Variants in USP3 observed in about 807,000 individuals in gnomAD.
The protein encoded by USP3 is ubiquitin carboxyl-terminal hydrolase 3.
USP3 carries 20 observed loss-of-function variants against 72.3 expected under a neutral mutation model. The ratio of observed to expected loss-of-function variants is 0.28; its 90% CI spans 0.19 to 0.40. The LOEUF is 0.40. Ranked by LOEUF, USP3 falls within the 10% of genes least tolerant of loss-of-function variation. The pLI is 1.00. For synonymous variants in USP3, 222 were observed against 225.3 expected, an observed-to-expected ratio of 0.99 and a Z score of 0.13; for missense variants, 479 against 633.9, an observed-to-expected ratio of 0.76 and a Z score of 2.62.
Position 63,548,672 on chromosome 15 carries a change from T to C in USP3, c.285-5043T>C, listed in dbSNP as rs577229053. Among the ~76,000 whole-genome samples the C allele has an allele frequency of 9.8e-5, 15 of 152,318 alleles. No homozygotes were observed. In the South Asian group the frequency reaches 2.7e-3, roughly 27 times the overall value. ...TTCATAAAGATGGAGTCTTGCTATGTTGCCCAGGCTGGCCTAAAATTGAGT... is the reference window on the plus strand; with the variant it reads ...TTCATAAAGATGGAGTCTTGCTATGCTGCCCAGGCTGGCCTAAAATTGAGT... On this transcript the variant is annotated intron_variant, in intron 3 of 14. Transcript: ENST00000380324.
chr15:63,547,897 G>GAGAGGCATAGAGAGAGA (rs2066374433), intron 3 of USP3, among the ~76,000 whole-genome samples: 1 of 61,584 alleles, frequency 1.6e-5, no homozygotes, highest in Non-Finnish European at 3.7e-5. Flanking sequence ...AGAGAGAGAG[G>GAGAGGCATAGAGAGAGA]CATAGAGAGA....
intron 3 of USP3, among the ~76,000 whole-genome samples, chr15:63,541,025 A>G (rs1346688193): frequency 6.6e-6 from 1 of 152,160 alleles, no homozygotes; most frequent in African/African-American, 2.4e-5. Flanking sequence ...TGGTTTTTTT[A>G]TGGAGGTAGA....
chr15:63,542,641 AT>A (rs1302668466), intron 3 of USP3, among the ~76,000 whole-genome samples: 2 of 152,160 alleles, frequency 1.3e-5, no homozygotes, highest in Non-Finnish European at 2.9e-5. Flanking sequence ...ACATTTATAA[AT>A]AGCCATTTCT....
Position 63,588,259 on chromosome 15 carries a change from T to C in USP3, c.1097-46T>C. 6.9e-7 allele frequency: 1 copy of C among 1,454,840 alleles called. No homozygotes were observed. The highest frequency in any genetic ancestry group is 9.4e-7 in the Non-Finnish European group (1 of 1,063,936). The allele number at this position is 1,454,840 out of a possible 1,614,324, so 90.1% of individuals were successfully genotyped here. On this transcript the variant is annotated intron_variant, in intron 11 of 14. Coordinates refer to ENST00000380324, the MANE Select transcript of USP3 (RefSeq NM_006537.4). This position sits in a 1 kb window ranked among gnomAD's most constrained non-coding sequence, Gnocchi z 4.6. Reference sequence around the variant, plus strand: ...TCTTTTTTCTACAGTACATTGCCTCTACAAAAGGCATCTTGTTTTAATGCT... The same window carrying C: ...TCTTTTTTCTACAGTACATTGCCTCCACAAAAGGCATCTTGTTTTAATGCT...
chr15:63,561,041 C>T (rs550609340), intron 7 of USP3, among the ~76,000 whole-genome samples: 1 of 151,498 alleles, frequency 6.6e-6, no homozygotes, highest in African/African-American at 2.4e-5. Flanking sequence ...GAAAGCCAGG[C>T]GTGGAGCAGG....
chr15:63,512,500 C>T (rs772012400), intron 1 of USP3, among the ~76,000 whole-genome samples: 2 of 151,100 alleles, frequency 1.3e-5, no homozygotes, highest in Admixed American at 6.6e-5. Flanking sequence ...GGCTGGAGTG[C>T]AGTGGCACGA....
chr15:63,588,487 T>A lies in USP3; in HGVS notation c.1215+64T>A. ...GGAAAGTGCTTGACTGCTAAGACCA[T>A]GTCTATAACTTTACACTATGTGAAC... is the stretch of plus-strand genomic sequence containing the variant. On this transcript the variant is annotated intron_variant, in intron 12 of 14. Coordinates refer to ENST00000380324, the MANE Select transcript of USP3 (RefSeq NM_006537.4). This position sits in a 1 kb window ranked among gnomAD's most constrained non-coding sequence, Gnocchi z 4.6. 1.7e-6 allele frequency: 2 copies of A among 1,204,342 alleles called. No individual in the cohort carries two copies. The highest frequency in any genetic ancestry group is 4.1e-5 in the Admixed American group (2 of 48,384). The allele number at this position is 1,204,342 out of a possible 1,614,324, so 74.6% of individuals were successfully genotyped here. A position where few individuals can be genotyped will look rare whatever the true frequency, so the allele number is the denominator to read the frequency against.
intron 1 of USP3, among the ~76,000 whole-genome samples, chr15:63,524,721 A>G (rs1056569566): frequency 6.6e-6 from 1 of 152,130 alleles, no homozygotes; most frequent in East Asian, 1.9e-4. Context: ...TTCTCTCAGC[A>G]TGTTGGTCTC....
chr15:63,590,601 T>G, intron 14 of USP3, 60 bp from the exon 15 acceptor site: 1 of 1,420,706 alleles, frequency 7.0e-7, no homozygotes, highest in Non-Finnish European at 9.4e-7. Flanking sequence ...ATTATATAGT[T>G]GTACAGGTCT....
intron 8 of USP3, among the ~76,000 whole-genome samples, chr15:63,563,544 C>A (rs1370171409): frequency 6.6e-6 from 1 of 152,032 alleles, no homozygotes; most frequent in African/African-American, 2.4e-5. Flanking sequence ...TCTCACCTCG[C>A]TTGAGCAAAA....
In USP3 at chr15:63,591,215, G is replaced by A; in HGVS notation, c.*389G>A. 6.0e-6 allele frequency: 1 copy of A among 167,358 alleles called. No homozygotes were observed. Among genetic ancestry groups the A allele is most frequent in the South Asian group, 1.5e-4 (1 of 6,458 alleles). The allele number at this position is 167,358 out of a possible 1,614,324, so 10.4% of individuals were successfully genotyped here. ...CCTTATTGTGAAGAGCGACACAACT[G>A]CCTGCTGCCTTTCCACAGCTATAAT... On this transcript the variant is annotated 3_prime_UTR_variant, in exon 15 of 15. Coordinates refer to ENST00000380324, the MANE Select transcript of USP3 (RefSeq NM_006537.4).
At chr15:63,542,114 G>C in intron 3 of USP3, 1 of 984,864 alleles carries the variant, frequency 1.0e-6, no homozygotes, top group Non-Finnish European at 1.2e-6. Context: ...ACATGATGTG[G>C]AAGTCATGAC....
intron 11 of USP3, chr15:63,587,974 C>G: frequency 5.4e-6 from 1 of 185,144 alleles, no homozygotes; most frequent in Non-Finnish European, 1.1e-5. Flanking sequence ...AACATATTGA[C>G]AGAAAACTAC....
chr15:63,557,992 C>T (rs2066541083), intron 5 of USP3, 114 bp from the exon 6 acceptor site: 1 of 953,214 alleles, frequency 1.0e-6, no homozygotes, highest in South Asian at 1.4e-5. Flanking sequence ...CAGAAAAGGA[C>T]CAATTCCAAA....
At chr15:63,512,171 C>T (rs1263877825) in intron 1 of USP3, among the ~76,000 whole-genome samples, 2 of 151,640 alleles carry the variant, frequency 1.3e-5, no homozygotes, top group South Asian at 2.1e-4. Context: ...TTCCTGACCT[C>T]GTGATCCTCC....
intron 2 of USP3, among the ~76,000 whole-genome samples, chr15:63,536,322 T>C (rs1486834356): frequency 6.6e-6 from 1 of 152,124 alleles, no homozygotes; most frequent in Non-Finnish European, 1.5e-5. Flanking sequence ...TTGTCCTGTT[T>C]CTCTGACTCT....
chr15:63,512,988 TTTAA>T (rs2065810255), intron 1 of USP3, among the ~76,000 whole-genome samples: 1 of 152,368 alleles, frequency 6.6e-6, no homozygotes, highest in Admixed American at 6.5e-5. Flanking sequence ...TGAGTTTATT[TTTAA>T]GATAAGCCAG....
chr15:63,590,399 G>A (rs941035402), intron 14 of USP3, among the ~76,000 whole-genome samples: 3 of 152,070 alleles, frequency 2.0e-5, no homozygotes, highest in Non-Finnish European at 2.9e-5. Flanking sequence ...CCATGTTTCC[G>A]TAGGCTTTGA....
intron 1 of USP3, among the ~76,000 whole-genome samples, chr15:63,509,600 A>C (rs561740760): frequency 4.6e-5 from 7 of 152,304 alleles, no homozygotes; most frequent in African/African-American, 1.4e-4. Flanking sequence ...CATTAATTCT[A>C]AAAAGTAGTA....
Sources: allele counts gnomAD v4.1 joint callset (sites outside exome capture counted in the v4.1 genomes callset), GRCh38; gene constraint gnomAD v4.1.1; non-coding constraint Gnocchi (gnomAD v3.1); transcripts MANE v1.5; gene names NCBI Gene and HGNC (gene_info 2026-07-23, HGNC 2026-07-21).